Variants in SLC2A14 observed in about 807,000 individuals in gnomAD.
SLC2A14 encodes solute carrier family 2 member 14, also known as solute carrier family 2, facilitated glucose transporter member 14.
SLC2A14 carries 13 observed loss-of-function variants against 43.0 expected under a neutral mutation model. That is an observed-to-expected ratio of 0.30 (90% confidence interval 0.20 to 0.48). SLC2A14 has a LOEUF of 0.48. Among genes scored for constraint, SLC2A14 ranks in the 20% least tolerant of loss-of-function variants. The probability of loss-of-function intolerance (pLI) is 0.99; values close to 1 mark genes in which losing one functional copy is unlikely to be tolerated. For synonymous variants in SLC2A14, 190 were observed against 233.8 expected, an observed-to-expected ratio of 0.81 and a Z score of 1.71; for missense variants, 428 against 620.4, an observed-to-expected ratio of 0.69 and a Z score of 3.29.
chr12:7,859,888 A>G (rs1476783109), intron 2 of SLC2A14, among the ~76,000 whole-genome samples: 1 of 152,168 alleles, frequency 6.6e-6, no homozygotes, highest in Non-Finnish European at 1.5e-5. Context: ...GAAGGGGATC[A>G]TGGGAAACGT....
intron 1 of SLC2A14, among the ~76,000 whole-genome samples, chr12:7,889,310 T>C (rs1371969614): frequency 6.8e-6 from 1 of 146,220 alleles, no homozygotes; most frequent in Non-Finnish European, 1.5e-5. Context: ...CTCAGCTCAC[T>C]CCAACCTCTG....
chr12:7,874,627 A>T (rs1027625383), upstream of SLC2A14, among the ~76,000 whole-genome samples: 1 of 149,612 alleles, frequency 6.7e-6, no homozygotes, highest in African/African-American at 2.5e-5. Flanking sequence ...AGCCGAGATC[A>T]CGCCACTGCA....
At chr12:7,839,922 TACAA>T in intron 2 of SLC2A14, 3 of 68,658 alleles carry the variant, frequency 4.4e-5, no homozygotes, top group Non-Finnish European at 2.6e-5. Context: ...ACCCTGTCTC[TACAA>T]AAAAAAAAAA....
chr12:7,822,135 T>C (rs751099477), intron 7 of SLC2A14, among the ~76,000 whole-genome samples: 12 of 151,688 alleles, frequency 7.9e-5, no homozygotes, highest in African/African-American at 2.4e-4. Context: ...ATTTTTGTAT[T>C]TTTTTAGTAG....
chr12:7,883,268 T>C (rs865782087), intron 1 of SLC2A14, among the ~76,000 whole-genome samples: 1,799 of 72,828 alleles, frequency 0.025, 23 homozygotes, highest in African/African-American at 0.069. Flanking sequence ...TCTTTCTTTT[T>C]TTTTTTTTTT....
rs1233488606 is a variant in SLC2A14 at position 7,813,959 on chromosome 12, T to C, written c.*357A>G. On this transcript the variant is annotated 3_prime_UTR_variant, in exon 11 of 11. Coordinates refer to ENST00000431042, the MANE Select transcript of SLC2A14 (RefSeq NM_001286234.2). Reference sequence around the variant, plus strand: ...TATCTGCTTCCTGGTAAGTCTGAGGTTGGGGCAACTGCACCTTACTTTTCC... The same window carrying C: ...TATCTGCTTCCTGGTAAGTCTGAGGCTGGGGCAACTGCACCTTACTTTTCC... 17 of 289,702 alleles carry C rather than the reference T, an allele frequency of 5.9e-5. No individual in the cohort carries two copies. The highest frequency in any genetic ancestry group is 9.0e-5 in the Non-Finnish European group (13 of 145,072). 17.9% of individuals were successfully genotyped at this position (289,702 alleles called of 1,614,324 possible).
chr12:7,873,929 G>T (rs1945362486), upstream of SLC2A14, among the ~76,000 whole-genome samples: 1 of 152,066 alleles, frequency 6.6e-6, no homozygotes, highest in Admixed American at 6.6e-5. Context: ...CGACAGCATG[G>T]CCTTCAGTAC....
At position 7,832,753 on chromosome 12, in the gene SLC2A14, T is replaced by C. The variant is rs1427702438; in HGVS notation, c.80A>G (p.Tyr27Cys). The C allele has an allele frequency of 3.1e-6, 5 of 1,614,062 alleles. No homozygotes were observed. Among genetic ancestry groups the C allele is most frequent in the Middle Eastern group, 1.6e-4 (1 of 6,082 alleles). Residue 27 changes from tyrosine (Y) to cysteine (C), a missense_variant, in exon 3 of 11, where the codon TAC becomes TGC. Physicochemically the swap from Tyr to Cys is radical, Grantham distance 194. Transcript: ENST00000431042. ...VATIGSFQFGYNTGVINAPET... is the reference protein window; with the variant it reads ...VATIGSFQFGCNTGVINAPET... ...AGGAGCATTGATGACCCCAGTGTTG[T>C]AGCCAAACTGGAAAGAGCCGATTGT...
intron 1 of SLC2A14, among the ~76,000 whole-genome samples, chr12:7,881,564 C>T (rs991920181): frequency 2.0e-5 from 3 of 152,232 alleles, no homozygotes; most frequent in South Asian, 2.1e-4. Flanking sequence ...TGAGCCTCCC[C>T]GCTCCACCTC....
upstream of SLC2A14, chr12:7,873,252 C>G: frequency 1.0e-6 from 1 of 985,596 alleles, no homozygotes; most frequent in Non-Finnish European, 1.2e-6. Flanking sequence ...TCAAAGATAC[C>G]CGAGCCCCTC....
At chr12:7,842,653 C>CT (rs1866067036) in intron 2 of SLC2A14, among the ~76,000 whole-genome samples, 1 of 152,014 alleles carries the variant, frequency 6.6e-6, no homozygotes, top group Non-Finnish European at 1.5e-5. Flanking sequence ...CCCCTCCCCC[C>CT]ACTCACAGGA....
chr12:7,828,877 C>T lies in SLC2A14; in HGVS notation c.514-11G>A, dbSNP rs1864744845. 6.2e-7 allele frequency: 1 copy of T among 1,612,234 alleles called. No individual in the cohort carries two copies. The highest frequency in any genetic ancestry group is 8.5e-7 in the Non-Finnish European group (1 of 1,179,202). Reference sequence around the variant, plus strand: ...TTCCAGACCAAAGATCTAGAAACCACACAAAGATAATGCTATAAACCCCAT... The same window carrying T: ...TTCCAGACCAAAGATCTAGAAACCATACAAAGATAATGCTATAAACCCCAT... On this transcript the variant is annotated splice_polypyrimidine_tract_variant and intron_variant, in intron 5 of 10. Coordinates refer to ENST00000431042, the MANE Select transcript of SLC2A14 (RefSeq NM_001286234.2).
chr12:7,849,234 G>T (rs1031703394), intron 2 of SLC2A14, among the ~76,000 whole-genome samples: 8 of 152,134 alleles, frequency 5.3e-5, no homozygotes, highest in Non-Finnish European at 1.2e-4. Flanking sequence ...TGGGCGTGGT[G>T]GCTCATGCCT....
At chr12:7,873,174 AC>A (rs1407057353), upstream of SLC2A14, 1 of 985,490 alleles carries the variant, frequency 1.0e-6, no homozygotes, top group East Asian at 1.1e-4. Context: ...GGAACTCTTT[AC>A]GGGGAAACAG....
intron 2 of SLC2A14, among the ~76,000 whole-genome samples, chr12:7,838,432 C>T (rs911782775): frequency 2.6e-5 from 4 of 152,216 alleles, no homozygotes; most frequent in Admixed American, 6.5e-5. Context: ...GAATTTTGAA[C>T]TTGGAAGACC....
chr12:7,819,562 C>T lies in SLC2A14; in HGVS notation c.991G>A (p.Gly331Arg), dbSNP rs1322962525. 6.2e-7 allele frequency: 1 copy of T among 1,604,406 alleles called. No homozygotes were observed. Among genetic ancestry groups the T allele is most frequent in the Non-Finnish European group, 8.5e-7 (1 of 1,177,286 alleles). ...CCTATCATATGCAGAGTCCTTCTTCCTGCCCTTTCCACCAGAAATAGCTGG... is the reference window on the plus strand; with the variant it reads ...CCTATCATATGCAGAGTCCTTCTTCTTGCCCTTTCCACCAGAAATAGCTGG... ...LLSLFLVERAGRRTLHMIGLG... is the reference protein window; with the variant it reads ...LLSLFLVERARRRTLHMIGLG... The change falls in exon 9 of 11, where the codon GGA (glycine) becomes AGA (arginine). Residue 331 changes from glycine (G) to arginine (R), a missense_variant. Transcript: ENST00000431042.
At chr12:7,823,149 A>G (rs1349139538) in intron 7 of SLC2A14, among the ~76,000 whole-genome samples, 3 of 152,110 alleles carry the variant, frequency 2.0e-5, no homozygotes, top group African/African-American at 7.2e-5. Flanking sequence ...TTGGGAGCCC[A>G]AGGCTGGTGG....
chr12:7,887,609 A>ATAGT (rs879482041), intron 1 of SLC2A14, among the ~76,000 whole-genome samples: 1 of 116,112 alleles, frequency 8.6e-6, no homozygotes, highest in African/African-American at 2.7e-5. Context: ...AGATAGATAG[A>ATAGT]TAGTTAGATA....
chr12:7,866,985 A>G (rs1483238169), intron 2 of SLC2A14, among the ~76,000 whole-genome samples: 1 of 148,016 alleles, frequency 6.8e-6, no homozygotes, highest in Non-Finnish European at 1.5e-5. Flanking sequence ...TTTGTCGCCC[A>G]TGCTGGAGTG....
Sources: allele counts gnomAD v4.1 joint callset (sites outside exome capture counted in the v4.1 genomes callset), GRCh38; gene constraint gnomAD v4.1.1; transcripts MANE v1.5; gene names NCBI Gene and HGNC (gene_info 2026-07-23, HGNC 2026-07-21).